CALN1: variants seen among roughly 807,000 people sequenced by gnomAD.
CALN1 encodes calcium-binding protein 8.
CALN1 carries 17 observed loss-of-function variants against 30.6 expected under a neutral mutation model. That is an observed-to-expected ratio of 0.56 (90% CI 0.38 to 0.83). The LOEUF (loss-of-function observed/expected upper bound fraction) is 0.83. Among genes scored for constraint, CALN1 ranks in the 40% least tolerant of loss-of-function variants. The pLI is 0.00. For synonymous variants in CALN1, 156 were observed against 131.4 expected (o/e 1.19, Z -1.28); for missense variants, 291 against 354.9 (o/e 0.82, Z 1.45).
intron 4 of CALN1, among the ~76,000 whole-genome samples, chr7:72,061,887 C>T (rs1803680844): frequency 6.6e-6 from 1 of 150,906 alleles, no homozygotes; most frequent in Non-Finnish European, 1.5e-5. Flanking sequence ...AATACATCCT[C>T]AAACATATCA....
intron 5 of CALN1, among the ~76,000 whole-genome samples, chr7:71,919,920 G>A (rs977177508): frequency 6.6e-6 from 1 of 152,180 alleles, no homozygotes; most frequent in African/African-American, 2.4e-5. Context: ...ATGTGTTCCT[G>A]AGCCTGGTTC....
At chr7:72,256,735 G>A (rs1483664112) in intron 3 of CALN1, among the ~76,000 whole-genome samples, 2 of 152,052 alleles carry the variant, frequency 1.3e-5, no homozygotes, top group African/African-American at 4.8e-5. Context: ...GCCTTCCAAA[G>A]TGCTGGGATT....
intron 2 of CALN1, among the ~76,000 whole-genome samples, chr7:72,358,450 C>T (rs895521514): frequency 7.3e-5 from 11 of 150,122 alleles, no homozygotes; most frequent in African/African-American, 2.3e-4. Flanking sequence ...TCTCCCTTCC[C>T]GCAGAGAGCA....
intron 2 of CALN1, among the ~76,000 whole-genome samples, chr7:72,302,248 T>C (rs1300792362): frequency 6.6e-6 from 1 of 152,094 alleles, no homozygotes; most frequent in Non-Finnish European, 1.5e-5. Flanking sequence ...AGCTGCTATA[T>C]GGGATAAATG....
At chr7:72,072,544 A>G (rs2129538189) in intron 4 of CALN1, among the ~76,000 whole-genome samples, 1 of 152,238 alleles carries the variant, frequency 6.6e-6, no homozygotes, top group East Asian at 1.9e-4. Flanking sequence ...TAAGGACACT[A>G]GACAGTAACT....
chr7:72,282,303 C>T (rs1797780884), intron 2 of CALN1, among the ~76,000 whole-genome samples: 1 of 152,172 alleles, frequency 6.6e-6, no homozygotes, highest in South Asian at 2.1e-4. Flanking sequence ...TTTTCAACAG[C>T]AGTTTCACTC....
intron 2 of CALN1, among the ~76,000 whole-genome samples, chr7:72,339,758 A>C (rs1369066416): frequency 5.9e-5 from 9 of 152,166 alleles, no homozygotes; most frequent in Admixed American, 5.9e-4. Context: ...CAAGCAAGAG[A>C]GCTTGTGCAG....
chr7:71,876,618 G>A (rs976427032), intron 5 of CALN1, among the ~76,000 whole-genome samples: 4 of 152,100 alleles, frequency 2.6e-5, no homozygotes, highest in Admixed American at 1.3e-4. Flanking sequence ...TCTCTTACTT[G>A]GTAAGGGGGG....
At chr7:71,974,695 C>A (rs770445050) in intron 5 of CALN1, among the ~76,000 whole-genome samples, 10 of 152,094 alleles carry the variant, frequency 6.6e-5, no homozygotes, top group Non-Finnish European at 1.3e-4. Flanking sequence ...ACAAACCATC[C>A]GCAGAGATGT....
chr7:72,440,369 G>A (rs1315937959), intron 1 of CALN1, among the ~76,000 whole-genome samples: 1 of 152,170 alleles, frequency 6.6e-6, no homozygotes, highest in Non-Finnish European at 1.5e-5. Flanking sequence ...GATCAGATTA[G>A]AGGCTCAATT....
At chr7:72,232,254 T>C (rs527728025) in intron 3 of CALN1, among the ~76,000 whole-genome samples, 40 of 152,278 alleles carry the variant, frequency 2.6e-4, no homozygotes, top group African/African-American at 8.9e-4. Flanking sequence ...AAAGATCCCA[T>C]TGTAGAACCG....
chr7:71,884,070 C>T (rs1314738307), intron 5 of CALN1, among the ~76,000 whole-genome samples: 4 of 152,156 alleles, frequency 2.6e-5, no homozygotes, highest in Middle Eastern at 3.4e-3. Context: ...TGCGCCACCA[C>T]GCCCAGCTAA....
Position 72,321,488 on chromosome 7 carries a change from G to A in CALN1, c.120-42678C>T, listed in dbSNP as rs1800877293. On this transcript the variant is annotated intron_variant, in intron 2 of 6. Coordinates refer to ENST00000395275, the MANE Select transcript of CALN1 (RefSeq NM_031468.4). Reference sequence around the variant, plus strand: ...TGTTCTCTATGGGTTTCAACGACAGGAGACAATATTTTGGGCGAAAATCGT... The same window carrying A: ...TGTTCTCTATGGGTTTCAACGACAGAAGACAATATTTTGGGCGAAAATCGT... Among the ~76,000 whole-genome samples, 8 of 152,274 alleles carry A rather than the reference G, an allele frequency of 5.3e-5. No individual in the cohort carries two copies. The South Asian group carries it at 1.5e-3, about 28-fold the overall frequency.
At chr7:71,837,301 T>C (rs1297532047) in intron 5 of CALN1, among the ~76,000 whole-genome samples, 3 of 149,638 alleles carry the variant, frequency 2.0e-5, no homozygotes, top group Non-Finnish European at 4.4e-5. Context: ...GTTGGGCTTA[T>C]TGTTAACCAG....
intron 5 of CALN1, among the ~76,000 whole-genome samples, chr7:71,886,017 T>C (rs1220419518): frequency 6.6e-6 from 1 of 152,168 alleles, no homozygotes; most frequent in Non-Finnish European, 1.5e-5. Context: ...TTTTAACATG[T>C]GAATGGCAGA....
intron 4 of CALN1, among the ~76,000 whole-genome samples, chr7:72,029,365 C>A (rs1421260505): frequency 6.6e-6 from 1 of 152,174 alleles, no homozygotes; most frequent in Non-Finnish European, 1.5e-5. Context: ...CCGCCCACCT[C>A]AGCCTCCCAA....
At chr7:72,219,252 T>C (rs1404198984) in intron 3 of CALN1, among the ~76,000 whole-genome samples, 1 of 152,124 alleles carries the variant, frequency 6.6e-6, no homozygotes, top group Non-Finnish European at 1.5e-5. Flanking sequence ...AGAGACAAGG[T>C]CTTGCTCTGT....
At chr7:72,105,568 T>C (rs979790293) in intron 4 of CALN1, among the ~76,000 whole-genome samples, 2 of 151,364 alleles carry the variant, frequency 1.3e-5, no homozygotes, top group African/African-American at 4.9e-5. Context: ...CTCAACAATG[T>C]AACTTGTAGA....
intron 2 of CALN1, among the ~76,000 whole-genome samples, chr7:72,284,844 G>A (rs1171878060): frequency 6.6e-6 from 1 of 151,784 alleles, no homozygotes; most frequent in East Asian, 1.9e-4. Context: ...GATAGATAGA[G>A]ATATATGATA....
Sources: allele counts gnomAD v4.1 joint callset (sites outside exome capture counted in the v4.1 genomes callset), GRCh38; gene constraint gnomAD v4.1.1; transcripts MANE v1.5; gene names NCBI Gene and HGNC (gene_info 2026-07-23, HGNC 2026-07-21).